The following SGCZ variants were observed in gnomAD, a reference collection of about 807,000 sequenced individuals.
The protein encoded by SGCZ is sarcoglycan zeta.
In SGCZ, 40 loss-of-function variants were observed where a neutral mutation model predicts 41.3. That is an observed-to-expected ratio of 0.97 (90% CI 0.75 to 1.26). The LOEUF (loss-of-function observed/expected upper bound fraction) is 1.26, where lower values mean the gene tolerates loss of function less well. SGCZ is among the 50% of genes most tolerant of loss of function. The probability of loss-of-function intolerance (pLI) is 0.00; values close to 1 mark genes in which losing one functional copy is unlikely to be tolerated. For missense variants in SGCZ, 552 were observed against 369.8 expected, an observed-to-expected ratio of 1.49 and a Z score of -4.04; for synonymous variants, 206 against 137.5, an observed-to-expected ratio of 1.50 and a Z score of -3.49.
intron 1 of SGCZ, among the ~76,000 whole-genome samples, chr8:14,846,703 CAAAAAAAAAA>C (rs56796907): frequency 1.0e-4 from 2 of 19,392 alleles, no homozygotes; most frequent in East Asian, 4.9e-3. Context: ...CCTTTAAATC[CAAAAAAAAAA>C]AAAAAAAAAA....
chr8:14,462,798 A>T (rs1800939470), intron 2 of SGCZ, among the ~76,000 whole-genome samples: 1 of 151,880 alleles, frequency 6.6e-6, no homozygotes, highest in African/African-American at 2.4e-5. Context: ...GAATCTGTAG[A>T]TCATTTGGGG....
intron 3 of SGCZ, among the ~76,000 whole-genome samples, chr8:14,245,290 G>A (rs905623487): frequency 1.1e-4 from 16 of 152,166 alleles, no homozygotes; most frequent in South Asian, 4.2e-4. Context: ...AAATAACGCC[G>A]CATATCTACA....
At chr8:14,601,526 G>A (rs1455222278) in intron 1 of SGCZ, among the ~76,000 whole-genome samples, 4 of 152,070 alleles carry the variant, frequency 2.6e-5, no homozygotes, top group Non-Finnish European at 4.4e-5. Context: ...CAATTTATGT[G>A]TTTTATATGT....
intron 1 of SGCZ, among the ~76,000 whole-genome samples, chr8:14,693,657 C>G (rs1263993586): frequency 7.5e-6 from 1 of 132,690 alleles, no homozygotes; most frequent in Admixed American, 8.8e-5. Context: ...GTGGCGCGAT[C>G]TCAGCTCACT....
rs187354790 is a variant in SGCZ at position 15,096,871 on chromosome 8, G to C, written c.39+140714C>G. 1.9e-3 allele frequency among the ~76,000 whole-genome samples: 296 copies of C among 152,066 alleles called. 1 individual carries two copies. The highest frequency in any genetic ancestry group is 6.7e-3 in the African/African-American group (278 of 41,496). ...TGGCTAATTTTTTTGTATTTTAGTA[G>C]AGATGGGGTTTCACCGTGTTAGCCA... On this transcript the variant is annotated intron_variant, in intron 1 of 7. Coordinates refer to ENST00000382080, the MANE Select transcript of SGCZ (RefSeq NM_139167.4).
At chr8:14,610,362 G>T (rs540209892) in intron 1 of SGCZ, among the ~76,000 whole-genome samples, 2 of 152,288 alleles carry the variant, frequency 1.3e-5, no homozygotes, top group East Asian at 1.9e-4. Flanking sequence ...TGGAGAGTCA[G>T]AACTGAGAGG....
chr8:14,966,607 T>C (rs1319999733), intron 1 of SGCZ, among the ~76,000 whole-genome samples: 1 of 152,096 alleles, frequency 6.6e-6, no homozygotes, highest in Non-Finnish European at 1.5e-5. Context: ...CTAATTTCCA[T>C]TTAGAAATCC....
At chr8:14,216,118 G>A (rs1805985376) in intron 4 of SGCZ, among the ~76,000 whole-genome samples, 1 of 152,234 alleles carries the variant, frequency 6.6e-6, no homozygotes, top group African/African-American at 2.4e-5. Flanking sequence ...CCCTGAGAGA[G>A]TAGCCTTGCA....
chr8:14,245,578 A>T (rs77323337), intron 3 of SGCZ, among the ~76,000 whole-genome samples: 1,721 of 152,064 alleles, frequency 0.011, 10 homozygotes, highest in Non-Finnish European at 0.014. Flanking sequence ...TGGCAACAAA[A>T]GCCAAAATTG....
intron 1 of SGCZ, among the ~76,000 whole-genome samples, chr8:14,632,348 T>C (rs892096873): frequency 6.6e-6 from 1 of 151,988 alleles, no homozygotes; most frequent in Non-Finnish European, 1.5e-5. Context: ...ATCTAGTGCA[T>C]TATCTACCAT....
At position 14,549,151 on chromosome 8, in the gene SGCZ, T is replaced by TTGTGTG. The variant is rs140951856; in HGVS notation, c.234+5575_234+5580dup. Reference sequence around the variant, plus strand: ...TAGCGACTTTAAGTAAAATTCAAGTTTGTGTGTGTGTGTGTGTCTAAAAAA... The same window carrying TTGTGTG: ...TAGCGACTTTAAGTAAAATTCAAGTTTGTGTGTGTGTGTGTGTGTGTGTCTAAAAAA... On this transcript the variant is annotated intron_variant, in intron 2 of 7. Transcript: ENST00000382080. Among the ~76,000 whole-genome samples the TTGTGTG allele has an allele frequency of 4.5e-3, 673 of 151,184 alleles. 4 individuals carry two copies. Among genetic ancestry groups the TTGTGTG allele is most frequent in the African/African-American group, 0.016 (647 of 41,262 alleles).
chr8:14,394,438 C>T (rs539803588), intron 2 of SGCZ, among the ~76,000 whole-genome samples: 4 of 152,230 alleles, frequency 2.6e-5, no homozygotes, highest in East Asian at 1.9e-4. Flanking sequence ...CATGAGCCAC[C>T]GTGCCCAGCC....
intron 5 of SGCZ, among the ~76,000 whole-genome samples, chr8:14,147,392 A>C (rs1372873236): frequency 1.3e-5 from 2 of 152,230 alleles, no homozygotes; most frequent in East Asian, 3.9e-4. Context: ...GCCAATAAAA[A>C]CCAAAAAAGT....
intron 2 of SGCZ, among the ~76,000 whole-genome samples, chr8:14,392,774 C>A (rs1804821237): frequency 6.6e-6 from 1 of 152,048 alleles, no homozygotes; most frequent in South Asian, 2.1e-4. Flanking sequence ...ATTAATTTTT[C>A]TTTGGCTAAT....
At chr8:14,900,486 G>A (rs1166287169) in intron 1 of SGCZ, among the ~76,000 whole-genome samples, 1 of 151,974 alleles carries the variant, frequency 6.6e-6, no homozygotes, top group Non-Finnish European at 1.5e-5. Context: ...AATCAACTCC[G>A]ACCCAGCAGA....
intron 1 of SGCZ, among the ~76,000 whole-genome samples, chr8:14,673,003 T>G (rs9657210): frequency 0.54 from 82,831 of 152,010 alleles, 24,112 homozygotes; most frequent in East Asian, 0.74. Flanking sequence ...AAAAGTAATT[T>G]ATAAAAACAC....
chr8:15,012,834 A>G (rs1459721431), intron 1 of SGCZ, among the ~76,000 whole-genome samples: 1 of 151,060 alleles, frequency 6.6e-6, no homozygotes, highest in Admixed American at 6.7e-5. Flanking sequence ...TCACTGCTCA[A>G]CATTTCTTTT....
intron 2 of SGCZ, among the ~76,000 whole-genome samples, chr8:14,328,317 G>T (rs10090427): frequency 6.6e-6 from 1 of 151,912 alleles, no homozygotes; most frequent in East Asian, 1.9e-4. Flanking sequence ...AAAATGATTT[G>T]TTAATTTTCT....
intron 1 of SGCZ, among the ~76,000 whole-genome samples, chr8:14,977,748 C>T (rs1290998078): frequency 6.6e-6 from 1 of 152,098 alleles, no homozygotes; most frequent in East Asian, 1.9e-4. Context: ...TTTATTGTCT[C>T]AGACCTCTTA....
Sources: allele counts gnomAD v4.1 joint callset (sites outside exome capture counted in the v4.1 genomes callset), GRCh38; gene constraint gnomAD v4.1.1; transcripts MANE v1.5; gene names NCBI Gene and HGNC (gene_info 2026-07-23, HGNC 2026-07-21).